Variants in COL9A1 observed in about 807,000 individuals in gnomAD.
The protein encoded by COL9A1 is collagen alpha-1(IX) chain.
In COL9A1, 104 loss-of-function variants were observed where a neutral mutation model predicts 142.6. The observed-to-expected ratio is 0.73, with a 90% CI of 0.62 to 0.86. The LOEUF (loss-of-function observed/expected upper bound fraction) is 0.86, where lower values mean the gene tolerates loss of function less well. Among genes scored for constraint, COL9A1 ranks in the 40% least tolerant of loss-of-function variants. COL9A1 has a pLI of 0.00. For synonymous variants in COL9A1, 466 were observed against 396.0 expected (o/e 1.18, Z -2.10); for missense variants, 1,210 against 1,176.6 (o/e 1.03, Z -0.42).
intron 37 of COL9A1, among the ~76,000 whole-genome samples, chr6:70,219,303 G>A (rs1357241744): frequency 6.6e-6 from 1 of 152,126 alleles, no homozygotes; most frequent in Non-Finnish European, 1.5e-5. Flanking sequence ...ATGAGCACAG[G>A]GGCTGGGATG....
chr6:70,282,674 A>G (rs1379873706), intron 7 of COL9A1, among the ~76,000 whole-genome samples: 1 of 152,210 alleles, frequency 6.6e-6, no homozygotes, highest in Non-Finnish European at 1.5e-5. Context: ...AGCCTGCAGT[A>G]GGGAGGACCC....
At chr6:70,242,130 A>G in intron 29 of COL9A1, 95 bp from the exon 30 acceptor site, 1 of 1,042,164 alleles carries the variant, frequency 9.6e-7, no homozygotes, top group Non-Finnish European at 1.5e-6. Flanking sequence ...ACTTGTGTCT[A>G]AAATAAACGT....
intron 37 of COL9A1, among the ~76,000 whole-genome samples, 196 bp from the exon 38 acceptor site, chr6:70,217,277 TG>T (rs1768586879): frequency 6.6e-6 from 1 of 152,142 alleles, no homozygotes; most frequent in Non-Finnish European, 1.5e-5. Context: ...TGGGTTTTCA[TG>T]GAAATTAAAA....
At chr6:70,217,263 G>T (rs1768586251) in intron 37 of COL9A1, among the ~76,000 whole-genome samples, 182 bp from the exon 38 acceptor site, 1 of 152,128 alleles carries the variant, frequency 6.6e-6, no homozygotes, top group Admixed American at 6.5e-5. Flanking sequence ...CCCTTCCTTG[G>T]ACTTGGGTTT....
chr6:70,229,168 A>C (rs1338557320), intron 36 of COL9A1, among the ~76,000 whole-genome samples: 1 of 152,180 alleles, frequency 6.6e-6, no homozygotes, highest in Non-Finnish European at 1.5e-5. Context: ...ACAAGTTTTA[A>C]GATGAGCTCC....
intron 2 of COL9A1, 124 bp downstream of exon 2, chr6:70,301,877 T>G: frequency 1.3e-6 from 1 of 785,084 alleles, no homozygotes; most frequent in Non-Finnish European, 2.2e-6. Context: ...GCCCCAAAGC[T>G]GGATTGAAGA....
chr6:70,264,285 C>T (rs1447822235), intron 18 of COL9A1, among the ~76,000 whole-genome samples: 3 of 152,058 alleles, frequency 2.0e-5, no homozygotes, highest in Admixed American at 1.3e-4. Context: ...AGTCTACTTG[C>T]TTTGTACTAG....
chr6:70,249,369 C>A (rs1243416524), intron 28 of COL9A1, among the ~76,000 whole-genome samples: 1 of 152,078 alleles, frequency 6.6e-6, no homozygotes, highest in East Asian at 1.9e-4. Context: ...ATGTGAGACA[C>A]CCTGCCATGT....
At chr6:70,219,458 A>AT (rs1330111337) in intron 37 of COL9A1, among the ~76,000 whole-genome samples, 1 of 152,258 alleles carries the variant, frequency 6.6e-6, no homozygotes, top group Non-Finnish European at 1.5e-5. Context: ...TAGCTGCAAT[A>AT]TGGTGCCCAT....
chr6:70,252,386 G>T, intron 26 of COL9A1, 71 bp from the exon 27 acceptor site: 4 of 1,348,272 alleles, frequency 3.0e-6, no homozygotes, highest in South Asian at 1.2e-5. Flanking sequence ...GCCTTACCCA[G>T]ACTGGGATCT....
chr6:70,288,282 C>T (rs1349475342), intron 5 of COL9A1, among the ~76,000 whole-genome samples: 2 of 152,048 alleles, frequency 1.3e-5, no homozygotes, highest in African/African-American at 2.4e-5. Context: ...TTTTCCTTAC[C>T]TCAAAATATA....
chr6:70,277,692 T>C lies in COL9A1; in HGVS notation c.976-2920A>G, dbSNP rs186823410. Among the ~76,000 whole-genome samples, 323 of 152,358 alleles carry C rather than the reference T, an allele frequency of 2.1e-3. 1 individual carries two copies. The highest frequency in any genetic ancestry group is 7.3e-3 in the African/African-American group (305 of 41,586). ...CTTACTTCTACAAGCATGACTGCTA[T>C]GACTCATTTACATTTTCTGCCAAAA... On this transcript the variant is annotated intron_variant, in intron 10 of 37. Transcript: ENST00000357250.
rs547073056 is a variant in COL9A1, at chr6:70,240,636, A to AAC, written c.2079+51_2079+52dup. 1,174 of 1,288,432 alleles carry AAC rather than the reference A, an allele frequency of 9.1e-4. 9 individuals carry two copies. The highest frequency in any genetic ancestry group is 8.3e-3 in the South Asian group (685 of 82,672). The allele number at this position is 1,288,432 out of a possible 1,614,324, so 79.8% of individuals were successfully genotyped here. ...GTTAGAAGTATATATATATACTTCT[A>AAC]ACAGTTCAAAATTGGTAAAGCTTCA... On this transcript the variant is annotated intron_variant, in intron 32 of 37. Coordinates refer to ENST00000357250, the MANE Select transcript of COL9A1 (RefSeq NM_001851.6).
In COL9A1 at chr6:70,281,345, AG is replaced by A. The variant is rs776836292; in HGVS notation, c.876+44del. 4 of 1,578,336 alleles carry A rather than the reference AG, an allele frequency of 2.5e-6. No homozygotes were observed. The South Asian group carries it at 4.5e-5, about 18-fold the overall frequency. ...AGGAGCCCTGGGAAAAGAATAGGAA[AG>A]GGCAGGACTGGGGAACAGAGGTGGC... On this transcript the variant is annotated intron_variant, in intron 8 of 37. Coordinates refer to ENST00000357250, the MANE Select transcript of COL9A1 (RefSeq NM_001851.6).
At chr6:70,292,171 G>A (rs1042426760) in intron 5 of COL9A1, among the ~76,000 whole-genome samples, 20 of 152,054 alleles carry the variant, frequency 1.3e-4, no homozygotes, top group African/African-American at 4.6e-4. Context: ...GGATTGTTTT[G>A]GCCTATAACC....
intron 26 of COL9A1, among the ~76,000 whole-genome samples, chr6:70,253,075 G>A (rs1045155153): frequency 6.6e-6 from 1 of 151,888 alleles, no homozygotes; most frequent in African/African-American, 2.4e-5. Context: ...AATAGTCTCT[G>A]ACATAAGTTC....
Position 70,255,028 on chromosome 6 carries a change from C to T in COL9A1, c.1612-12G>A, listed in dbSNP as rs201919021. 17 of 1,614,056 alleles carry T rather than the reference C, an allele frequency of 1.1e-5. No homozygotes were observed. Among genetic ancestry groups the T allele is most frequent in the East Asian group, 4.5e-5 (2 of 44,880 alleles). On this transcript the variant is annotated splice_polypyrimidine_tract_variant and intron_variant, in intron 23 of 37. Transcript: ENST00000357250. ...ACACCTGGCAAACCCTAAACACACACAAAGAAACATACTGTCTCTTACACA... is the reference window on the plus strand; with the variant it reads ...ACACCTGGCAAACCCTAAACACACATAAAGAAACATACTGTCTCTTACACA...
chr6:70,268,293 C>CA (rs1255359267), intron 17 of COL9A1, among the ~76,000 whole-genome samples: 1 of 151,978 alleles, frequency 6.6e-6, no homozygotes, highest in African/African-American at 2.4e-5. Context: ...TAGCTCATTG[C>CA]AACCTTGACT....
At chr6:70,263,186 C>T in intron 19 of COL9A1, 58 bp downstream of exon 19, 4 of 1,321,962 alleles carry the variant, frequency 3.0e-6, no homozygotes, top group South Asian at 2.7e-5. Context: ...TTCCAACAGT[C>T]ATGAAAAAAA....
Sources: gnomAD v4.1 joint callset for allele counts (sites outside exome capture counted in the v4.1 genomes callset) on GRCh38, gnomAD v4.1.1 for gene constraint, MANE v1.5 for transcripts, NCBI Gene and HGNC (gene_info 2026-07-23, HGNC 2026-07-21) for gene names.